Variants in TFG observed in about 807,000 individuals in gnomAD.
The protein encoded by TFG is trafficking from ER to golgi regulator.
A neutral mutation model predicts 51.4 loss-of-function variants in TFG; 22 were observed. That is an observed-to-expected ratio of 0.43 (90% CI 0.31 to 0.61). The LOEUF is 0.61. Among genes scored for constraint, TFG ranks in the 20% least tolerant of loss-of-function variants. The probability of loss-of-function intolerance (pLI) is 0.12; values close to 1 mark genes in which losing one functional copy is unlikely to be tolerated. For synonymous variants in TFG, 187 were observed against 165.6 expected (o/e 1.13, Z -0.99); for missense variants, 419 against 487.7 (o/e 0.86, Z 1.33).
intron 2 of TFG, among the ~76,000 whole-genome samples, chr3:100,715,314 G>A (rs1389163487): frequency 6.6e-6 from 1 of 152,236 alleles, no homozygotes; most frequent in African/African-American, 2.4e-5. Flanking sequence ...GCAAGCAGAT[G>A]AGTGAAGACA....
At chr3:100,740,812 T>C (rs982119938) in intron 6 of TFG, among the ~76,000 whole-genome samples, 47 of 152,328 alleles carry the variant, frequency 3.1e-4, no homozygotes, top group African/African-American at 1.1e-3. Flanking sequence ...TACTTTATTC[T>C]GTCATTGATT....
chr3:100,737,890 TAAAAA>T (rs917598384), intron 6 of TFG, among the ~76,000 whole-genome samples: 1 of 151,890 alleles, frequency 6.6e-6, no homozygotes, highest in Non-Finnish European at 1.5e-5. Flanking sequence ...CCCTACAAAA[TAAAAA>T]AAGATTTAAA....
In TFG at chr3:100,748,635, A is replaced by G; in HGVS notation, c.*104A>G. On this transcript the variant is annotated 3_prime_UTR_variant, in exon 8 of 8. Transcript: ENST00000240851. ...TGAAGAAGTTCAGAAATTTAAAAGC[A>G]GAGCATTTTTTATGATATCATTGTT... The G allele has an allele frequency of 2.3e-6, 3 of 1,283,704 alleles. No individual in the cohort carries two copies. The highest frequency in any genetic ancestry group is 2.1e-6 in the Non-Finnish European group (2 of 957,562). 79.5% of individuals were successfully genotyped at this position (1,283,704 alleles called of 1,614,324 possible).
intron 2 of TFG, among the ~76,000 whole-genome samples, chr3:100,717,977 C>G (rs935663331): frequency 6.6e-6 from 1 of 151,922 alleles, no homozygotes; most frequent in Admixed American, 6.6e-5. Context: ...CAAGCTGGAG[C>G]GCAGTGGTGT....
At chr3:100,713,907 T>TTAAAA in intron 2 of TFG, 38 bp downstream of exon 2, 2 of 898,904 alleles carry the variant, frequency 2.2e-6, no homozygotes, top group South Asian at 2.6e-5. Flanking sequence ...AAAGTCTTTT[T>TTAAAA]AAAAAAAAAA....
chr3:100,734,195 G>A (rs1012551413), intron 5 of TFG, among the ~76,000 whole-genome samples: 1 of 151,258 alleles, frequency 6.6e-6, no homozygotes, highest in Non-Finnish European at 1.5e-5. Context: ...TAACATTAAT[G>A]ACTTCATTTT....
chr3:100,725,763 A>T (rs2095073817), intron 3 of TFG, among the ~76,000 whole-genome samples: 1 of 152,072 alleles, frequency 6.6e-6, no homozygotes, highest in South Asian at 2.1e-4. Context: ...ACTGCATTAC[A>T]GTCTGGGTGA....
chr3:100,712,539 G>T (rs1211362026), intron 1 of TFG, among the ~76,000 whole-genome samples: 1 of 152,138 alleles, frequency 6.6e-6, no homozygotes, highest in African/African-American at 2.4e-5. Flanking sequence ...AATGTTCAGC[G>T]ATTATAGATA....
intron 1 of TFG, among the ~76,000 whole-genome samples, chr3:100,711,991 C>T (rs2095032665): frequency 6.6e-6 from 1 of 152,148 alleles, no homozygotes; most frequent in African/African-American, 2.4e-5. Flanking sequence ...TGAGAACTGG[C>T]AGATAAAAAG....
intron 5 of TFG, among the ~76,000 whole-genome samples, chr3:100,733,944 A>G (rs894613448): frequency 6.6e-5 from 10 of 152,200 alleles, no homozygotes; most frequent in South Asian, 2.1e-4. Context: ...AGGAGAATAT[A>G]TAATTGTTTT....
chr3:100,723,698 T>C (rs1012374645), intron 3 of TFG, among the ~76,000 whole-genome samples: 2 of 152,188 alleles, frequency 1.3e-5, no homozygotes, highest in Non-Finnish European at 2.9e-5. Context: ...CATGTTAGCT[T>C]TAGATGTTTT....
At position 100,713,890 on chromosome 3, in the gene TFG, A is replaced by G. The variant is rs1335480643; in HGVS notation, c.184+21A>G. On this transcript the variant is annotated intron_variant, in intron 2 of 7. Coordinates refer to ENST00000240851, the MANE Select transcript of TFG (RefSeq NM_006070.6). The stretch of plus-strand genomic sequence containing the variant: ...TGAAGGTAAGAGTGTTTTTAAAGCT[A>G]TTTTTTAAAGTCTTTTTAAAAAAAA... 7 of 1,320,130 alleles carry G rather than the reference A, an allele frequency of 5.3e-6. No homozygotes were observed. In the East Asian group the frequency reaches 1.0e-4, roughly 19 times the overall value. 81.8% of individuals were successfully genotyped at this position (1,320,130 alleles called of 1,614,324 possible).
At chr3:100,715,662 T>C (rs563279746) in intron 2 of TFG, among the ~76,000 whole-genome samples, 5 of 152,274 alleles carry the variant, frequency 3.3e-5, no homozygotes, top group African/African-American at 1.2e-4. Context: ...TGTTTTCTTA[T>C]GCTTATCATA....
chr3:100,733,853 A>G (rs989861577), intron 5 of TFG, among the ~76,000 whole-genome samples: 2 of 152,252 alleles, frequency 1.3e-5, no homozygotes, highest in Non-Finnish European at 2.9e-5. Flanking sequence ...AGAGCATTGC[A>G]TTGAAAATAT....
chr3:100,716,676 T>G lies in TFG; in HGVS notation c.184+2807T>G, dbSNP rs184644353. On this transcript the variant is annotated intron_variant, in intron 2 of 7. Coordinates refer to ENST00000240851, the MANE Select transcript of TFG (RefSeq NM_006070.6). The stretch of plus-strand genomic sequence containing the variant: ...TACCAATAATGTGTAAGAGTTCCCT[T>G]TTCTCTTCATTCTTGCCAGCATTTG... 2.0e-4 allele frequency among the ~76,000 whole-genome samples: 30 copies of G among 152,338 alleles called. 1 individual carries two copies. Among genetic ancestry groups the G allele is most frequent in the East Asian group, 5.8e-4 (3 of 5,186 alleles).
At chr3:100,731,768 G>A (rs929703842) in intron 4 of TFG, among the ~76,000 whole-genome samples, 29 of 151,990 alleles carry the variant, frequency 1.9e-4, no homozygotes, top group African/African-American at 6.8e-4. Flanking sequence ...GGCTGGTCTC[G>A]AGCTCCTGAC....
intron 1 of TFG, 22 bp downstream of exon 1, chr3:100,709,743 G>C (rs1047666078): frequency 1.3e-5 from 2 of 151,722 alleles, no homozygotes; most frequent in East Asian, 3.9e-4. Context: ...GGAGACGGGG[G>C]TTGCGGGCGC....
At chr3:100,740,419 G>A (rs1421447214) in intron 6 of TFG, among the ~76,000 whole-genome samples, 5 of 152,098 alleles carry the variant, frequency 3.3e-5, no homozygotes, top group Non-Finnish European at 7.4e-5. Context: ...TGACATGACA[G>A]CTTCACCAGA....
intron 4 of TFG, among the ~76,000 whole-genome samples, chr3:100,731,870 C>T (rs1270823556): frequency 1.3e-5 from 2 of 152,072 alleles, no homozygotes; most frequent in South Asian, 2.1e-4. Flanking sequence ...TATTTTGATG[C>T]AGATCCCATA....
Sources: gnomAD v4.1 joint callset for allele counts (sites outside exome capture counted in the v4.1 genomes callset) on GRCh38, gnomAD v4.1.1 for gene constraint, MANE v1.5 for transcripts, NCBI Gene and HGNC (gene_info 2026-07-23, HGNC 2026-07-21) for gene names.